Variants in BPI observed in about 807,000 individuals in gnomAD.
BPI encodes bactericidal permeability-increasing protein.
A neutral mutation model predicts 57.6 loss-of-function variants in BPI; 48 were observed. The observed-to-expected ratio is 0.83, with a 90% CI of 0.66 to 1.06. BPI has a LOEUF of 1.06. Among genes scored for constraint, BPI ranks in the 50% least tolerant of loss-of-function variants. The pLI is 0.00. For missense variants in BPI, 651 were observed against 609.7 expected (o/e 1.07, Z -0.71); for synonymous variants, 237 against 238.2 (o/e 0.99, Z 0.05).
intron 12 of BPI, among the ~76,000 whole-genome samples, chr20:38,332,466 A>C (rs891290992): frequency 2.4e-4 from 36 of 152,192 alleles, no homozygotes; most frequent in Non-Finnish European, 4.0e-4. Flanking sequence ...TCTTTTATAA[A>C]GTGCATTTAA....
chr20:38,317,326 T>A (rs1290491287), intron 5 of BPI, among the ~76,000 whole-genome samples: 1 of 152,184 alleles, frequency 6.6e-6, no homozygotes, highest in Non-Finnish European at 1.5e-5. Context: ...ATGGATTCTG[T>A]GCATCAGGAA....
intron 1 of BPI, among the ~76,000 whole-genome samples, chr20:38,307,029 TA>T (rs201520471): frequency 9.9e-5 from 15 of 151,638 alleles, no homozygotes; most frequent in African/African-American, 3.2e-4. Context: ...GCAAAAATGT[TA>T]AAAAAAAATT....
intron 7 of BPI, among the ~76,000 whole-genome samples, chr20:38,320,975 T>G (rs1319691979): frequency 1.7e-4 from 4 of 23,224 alleles, no homozygotes; most frequent in African/African-American, 6.9e-4. Flanking sequence ...GGTGGATGGA[T>G]GGGTGGGTGG....
intron 5 of BPI, among the ~76,000 whole-genome samples, chr20:38,314,459 G>T (rs1164763869): frequency 6.7e-6 from 1 of 149,004 alleles, no homozygotes; most frequent in Non-Finnish European, 1.5e-5. Context: ...TGATGATGGT[G>T]ATGGTGGGGA....
intron 12 of BPI, among the ~76,000 whole-genome samples, chr20:38,332,052 A>G (rs1306598300): frequency 2.0e-5 from 3 of 152,148 alleles, no homozygotes; most frequent in African/African-American, 4.8e-5. Flanking sequence ...TGTGGTAGAG[A>G]CAAGCTTGGT....
At chr20:38,332,932 C>A (rs944336119) in intron 12 of BPI, among the ~76,000 whole-genome samples, 19 of 152,124 alleles carry the variant, frequency 1.2e-4, no homozygotes, top group Non-Finnish European at 2.9e-5. Context: ...CAGCGTCTTG[C>A]TACATTGACC....
At chr20:38,330,233 A>AC (rs2076735496) in intron 11 of BPI, among the ~76,000 whole-genome samples, 1 of 151,788 alleles carries the variant, frequency 6.6e-6, no homozygotes, top group South Asian at 2.1e-4. Flanking sequence ...AGCTAGTGAG[A>AC]CCCCATCTCA....
chr20:38,330,266 C>T (rs1039042521), intron 11 of BPI, among the ~76,000 whole-genome samples: 3 of 152,226 alleles, frequency 2.0e-5, no homozygotes, highest in South Asian at 2.1e-4. Flanking sequence ...AAAAGCAAAC[C>T]GTGCTTTGCT....
At chr20:38,305,754 G>A (rs1362022093) in intron 1 of BPI, among the ~76,000 whole-genome samples, 1 of 152,114 alleles carries the variant, frequency 6.6e-6, no homozygotes. Flanking sequence ...TGTGAAATGG[G>A]GGTAGTGACA....
chr20:38,332,449 A>G (rs1380186124), intron 12 of BPI, among the ~76,000 whole-genome samples: 1 of 152,184 alleles, frequency 6.6e-6, no homozygotes, highest in African/African-American at 2.4e-5. Flanking sequence ...AGTGAGAGAT[A>G]TGAGCCTCTT....
intron 5 of BPI, chr20:38,317,889 G>A (rs2076659982): frequency 1.0e-6 from 1 of 985,376 alleles, no homozygotes; most frequent in Non-Finnish European, 1.2e-6. Context: ...GGGACAGGGG[G>A]ATTGGGGTGG....
At chr20:38,329,396 C>T (rs1160032381) in intron 11 of BPI, among the ~76,000 whole-genome samples, 2 of 152,198 alleles carry the variant, frequency 1.3e-5, no homozygotes, top group African/African-American at 4.8e-5. Flanking sequence ...TGAGACGAGC[C>T]CCAGAGGTTT....
At chr20:38,314,329 G>T in intron 5 of BPI, among the ~76,000 whole-genome samples, 2 of 138,646 alleles carry the variant, frequency 1.4e-5, no homozygotes, top group East Asian at 2.5e-4. Flanking sequence ...GTGATAGTGG[G>T]GATGATGATG....
At chr20:38,322,672 G>A (rs2076692438) in intron 7 of BPI, among the ~76,000 whole-genome samples, 1 of 152,140 alleles carries the variant, frequency 6.6e-6, no homozygotes, top group Non-Finnish European at 1.5e-5. Context: ...GTGCAATGGC[G>A]CGACCTCCAC....
intron 13 of BPI, 82 bp from the exon 14 acceptor site, chr20:38,335,516 C>A (rs2076762975): frequency 1.0e-5 from 13 of 1,289,108 alleles, no homozygotes; most frequent in Non-Finnish European, 1.5e-5. Context: ...GGGAGGCTGT[C>A]TACCCAGGCT....
chr20:38,336,980 A>C (rs116193741), intron 14 of BPI, among the ~76,000 whole-genome samples, 166 bp from the exon 15 acceptor site: 1,533 of 152,076 alleles, frequency 0.01, 23 homozygotes, highest in African/African-American at 0.034. Flanking sequence ...GCAGCTGTGG[A>C]TGTGTAGATC....
rs1283337680 is a variant in BPI at position 38,336,012 on chromosome 20, T to C, written c.1413+338T>C. Among the ~76,000 whole-genome samples the C allele has an allele frequency of 3.3e-5, 5 of 152,198 alleles. No individual in the cohort carries two copies. In the East Asian group the frequency reaches 9.6e-4, roughly 29 times the overall value. On this transcript the variant is annotated intron_variant, in intron 14 of 14. Coordinates refer to ENST00000642449, the MANE Select transcript of BPI (RefSeq NM_001725.3). ...ATTTAACGAATATATGTTGCACACC[T>C]TTTGCACCCAGCATCATACTAGGCA...
chr20:38,334,475 G>T lies in BPI; in HGVS notation c.1318G>T (p.Val440Leu). ...CATGAACTACATTGTACCCATTCTT[G>T]TGCTGCCCAGGGTTAACGGTAAGGA... Reference protein sequence around the residue: ...DIMNYIVPILVLPRVNEKLQK... With the variant: ...DIMNYIVPILLLPRVNEKLQK... The change falls in exon 13 of 15, where the codon GTG (valine) becomes TTG (leucine). Residue 440 changes from valine to leucine, a missense_variant. Transcript: ENST00000642449. The T allele has an allele frequency of 1.2e-6, 2 of 1,613,766 alleles. No homozygotes were observed. The highest frequency in any genetic ancestry group is 1.7e-5 in the Admixed American group (1 of 60,022).
chr20:38,336,556 T>C (rs900575545), intron 14 of BPI, among the ~76,000 whole-genome samples: 8 of 151,998 alleles, frequency 5.3e-5, no homozygotes, highest in Non-Finnish European at 7.4e-5. Flanking sequence ...CTTGTGGCCC[T>C]CCTGGGGAGC....
Sources: gnomAD v4.1 joint callset for allele counts (sites outside exome capture counted in the v4.1 genomes callset) on GRCh38, gnomAD v4.1.1 for gene constraint, MANE v1.5 for transcripts, NCBI Gene and HGNC (gene_info 2026-07-23, HGNC 2026-07-21) for gene names.